TRAPPC9: variants seen among roughly 807,000 people sequenced by gnomAD.
TRAPPC9 encodes IKK2 binding protein.
TRAPPC9 carries 83 observed loss-of-function variants against 124.0 expected under a neutral mutation model. That is an observed-to-expected ratio of 0.67 (90% CI 0.56 to 0.80). The LOEUF is 0.80. TRAPPC9 is among the 30% of genes least tolerant of loss of function. The pLI is 0.00. For synonymous variants in TRAPPC9, 638 were observed against 617.5 expected, an observed-to-expected ratio of 1.03 and a Z score of -0.49; for missense variants, 1,302 against 1,508.3, an observed-to-expected ratio of 0.86 and a Z score of 2.27.
intron 17 of TRAPPC9, among the ~76,000 whole-genome samples, chr8:140,077,170 G>GA (rs938821294): frequency 1.3e-4 from 19 of 148,364 alleles, no homozygotes; most frequent in African/African-American, 2.2e-4. Context: ...TATCTCAAAA[G>GA]AAAAAAAAAG....
intron 20 of TRAPPC9, among the ~76,000 whole-genome samples, chr8:139,887,916 G>A (rs957952703): frequency 6.6e-6 from 1 of 152,170 alleles, no homozygotes; most frequent in African/African-American, 2.4e-5. Flanking sequence ...CAGAGGCCAC[G>A]CCTCATTCAG....
At chr8:140,198,863 G>A (rs187027110) in intron 17 of TRAPPC9, among the ~76,000 whole-genome samples, 4 of 152,302 alleles carry the variant, frequency 2.6e-5, no homozygotes, top group Admixed American at 6.5e-5. Flanking sequence ...TAGCACCAAG[G>A]ACGTTCTTGT....
At chr8:139,870,378 C>A (rs1435730365) in intron 21 of TRAPPC9, among the ~76,000 whole-genome samples, 1 of 152,086 alleles carries the variant, frequency 6.6e-6, no homozygotes, top group Admixed American at 6.5e-5. Context: ...AGCATGGTTC[C>A]AACACAGAAG....
At chr8:139,948,034 T>C (rs1834376094) in intron 19 of TRAPPC9, among the ~76,000 whole-genome samples, 1 of 150,850 alleles carries the variant, frequency 6.6e-6, no homozygotes, top group African/African-American at 2.4e-5. Context: ...GGCACTTGCA[T>C]GGCCGTGGGA....
At chr8:140,358,259 T>C (rs900893531) in intron 9 of TRAPPC9, among the ~76,000 whole-genome samples, 8 of 152,178 alleles carry the variant, frequency 5.3e-5, no homozygotes, top group African/African-American at 1.9e-4. Context: ...CAGGCTGGAG[T>C]GCAATGGCGC....
chr8:140,368,065 C>A (rs1222831932), intron 8 of TRAPPC9, among the ~76,000 whole-genome samples: 2 of 152,190 alleles, frequency 1.3e-5, no homozygotes, highest in Non-Finnish European at 2.9e-5. Flanking sequence ...CTATTCTGCA[C>A]CCCGTCATGG....
At chr8:139,961,707 G>A (rs2131563124) in intron 19 of TRAPPC9, among the ~76,000 whole-genome samples, 1 of 123,840 alleles carries the variant, frequency 8.1e-6, no homozygotes, top group African/African-American at 2.5e-5. Context: ...CCCACTGCCT[G>A]GCCTCTCTCA....
rs563416973 is a variant in TRAPPC9, at chr8:140,101,748, G to A, written c.2557-77669C>T. 9.8e-3 allele frequency among the ~76,000 whole-genome samples: 1,487 copies of A among 151,824 alleles called. 23 individuals are homozygous for A. Among genetic ancestry groups the A allele is most frequent in the African/African-American group, 0.034 (1,396 of 41,460 alleles). Reference sequence around the variant, plus strand: ...AGTAGAAATAAGGTTTCACCATGTTGGCCAGGCTGGTCTCAAACTCCTGAC... The same window carrying A: ...AGTAGAAATAAGGTTTCACCATGTTAGCCAGGCTGGTCTCAAACTCCTGAC... On this transcript the variant is annotated intron_variant, in intron 17 of 22. Coordinates refer to ENST00000438773, the MANE Select transcript of TRAPPC9 (RefSeq NM_001160372.4).
chr8:139,749,658 T>C (rs1364960309), intron 21 of TRAPPC9, among the ~76,000 whole-genome samples: 1 of 152,132 alleles, frequency 6.6e-6, no homozygotes, highest in East Asian at 1.9e-4. Flanking sequence ...CTTGATGTGG[T>C]GACAGCCAAA....
intron 9 of TRAPPC9, among the ~76,000 whole-genome samples, chr8:140,350,823 C>T (rs1045047329): frequency 3.3e-5 from 5 of 151,872 alleles, no homozygotes; most frequent in African/African-American, 9.7e-5. Flanking sequence ...AGGGCAGGGC[C>T]GGGGGCAGAA....
chr8:139,732,958 C>A (rs776600003), intron 21 of TRAPPC9, among the ~76,000 whole-genome samples: 2 of 151,996 alleles, frequency 1.3e-5, no homozygotes, highest in Non-Finnish European at 2.9e-5. Flanking sequence ...CCTAACTGGG[C>A]AGCAGCAAGG....
intron 15 of TRAPPC9, among the ~76,000 whole-genome samples, chr8:140,274,326 C>T (rs549017652): frequency 2.3e-4 from 35 of 152,340 alleles, no homozygotes; most frequent in Middle Eastern, 6.8e-3. Flanking sequence ...ACTCCCTGCT[C>T]TGGGCACACC....
At chr8:139,989,307 T>TTG (rs10583792) in intron 18 of TRAPPC9, among the ~76,000 whole-genome samples, 50,559 of 133,968 alleles carry the variant, frequency 0.38, 8,844 homozygotes, top group East Asian at 0.52. Context: ...CATGTCCTGC[T>TTG]TGTGTGTGTG....
At chr8:140,123,550 C>G (rs1199323344) in intron 17 of TRAPPC9, among the ~76,000 whole-genome samples, 1 of 152,208 alleles carries the variant, frequency 6.6e-6, no homozygotes, top group Non-Finnish European at 1.5e-5. Flanking sequence ...ACTGCTTCCT[C>G]TCCAGCCACG....
At chr8:139,980,670 A>G (rs986381191) in intron 19 of TRAPPC9, among the ~76,000 whole-genome samples, 1 of 152,234 alleles carries the variant, frequency 6.6e-6, no homozygotes, top group Non-Finnish European at 1.5e-5. Flanking sequence ...CACTCGGCGC[A>G]CGGTGAGGCC....
intron 21 of TRAPPC9, among the ~76,000 whole-genome samples, chr8:139,875,481 T>G (rs547584141): frequency 6.6e-6 from 1 of 152,132 alleles, no homozygotes; most frequent in Admixed American, 6.5e-5. Flanking sequence ...TCATTTTTTT[T>G]CCCCCTTCAA....
intron 19 of TRAPPC9, among the ~76,000 whole-genome samples, chr8:139,916,050 A>C (rs56270637): frequency 0.13 from 19,140 of 152,242 alleles, 1,668 homozygotes; most frequent in Middle Eastern, 0.26. Context: ...GCAGGACTTC[A>C]GGGGAGCTTA....
chr8:140,417,440 G>A (rs528078678), intron 5 of TRAPPC9, among the ~76,000 whole-genome samples: 3 of 152,270 alleles, frequency 2.0e-5, no homozygotes, highest in South Asian at 4.1e-4. Context: ...ACATTTATGC[G>A]GCCAACAAAC....
chr8:139,882,291 C>T (rs186537105), intron 21 of TRAPPC9, among the ~76,000 whole-genome samples: 3 of 152,116 alleles, frequency 2.0e-5, no homozygotes, highest in Non-Finnish European at 4.4e-5. Context: ...AGGTCCATGC[C>T]GCCCTGAGAT....
Sources: allele counts gnomAD v4.1 joint callset (sites outside exome capture counted in the v4.1 genomes callset), GRCh38; gene constraint gnomAD v4.1.1; transcripts MANE v1.5; gene names NCBI Gene and HGNC (gene_info 2026-07-23, HGNC 2026-07-21).